SGCD: variants seen among roughly 807,000 people sequenced by gnomAD.
The protein encoded by SGCD is delta-sarcoglycan.
In SGCD, 18 loss-of-function variants were observed where a neutral mutation model predicts 36.6. The ratio of observed to expected loss-of-function variants is 0.49; its 90% CI spans 0.34 to 0.73. The LOEUF is 0.73. SGCD is among the 30% of genes least tolerant of loss of function. SGCD has a pLI of 0.01. For missense variants in SGCD, 387 were observed against 346.7 expected, an observed-to-expected ratio of 1.12 and a Z score of -0.92; for synonymous variants, 133 against 130.6, an observed-to-expected ratio of 1.02 and a Z score of -0.12.
At chr5:156,717,119 A>C (rs548189665) in intron 7 of SGCD, among the ~76,000 whole-genome samples, 6 of 152,354 alleles carry the variant, frequency 3.9e-5, no homozygotes, top group Admixed American at 2.0e-4. Flanking sequence ...ATGGTGAGCA[A>C]ATAATCAGTT....
intron 7 of SGCD, among the ~76,000 whole-genome samples, chr5:156,709,495 G>T (rs1311187700): frequency 1.3e-5 from 2 of 152,096 alleles, no homozygotes; most frequent in Non-Finnish European, 2.9e-5. Context: ...AATCTGGGAA[G>T]AAAATCAGGA....
intron 1 of SGCD, among the ~76,000 whole-genome samples, chr5:156,081,006 T>A (rs181378916): frequency 6.6e-6 from 1 of 152,326 alleles, no homozygotes; most frequent in East Asian, 1.9e-4. Flanking sequence ...AAATACCTGA[T>A]CATGGGTCAT....
chr5:156,490,133 C>T (rs1187175324), intron 3 of SGCD, among the ~76,000 whole-genome samples: 1 of 151,870 alleles, frequency 6.6e-6, no homozygotes, highest in Non-Finnish European at 1.5e-5. Flanking sequence ...TTACTGGACA[C>T]ATAAAATGAA....
intron 1 of SGCD, among the ~76,000 whole-genome samples, chr5:155,902,600 G>T (rs373957802): frequency 4.6e-5 from 7 of 152,264 alleles, no homozygotes; most frequent in African/African-American, 1.7e-4. Flanking sequence ...TGGTCCCCTA[G>T]TTATTCTGTG....
At chr5:156,237,110 C>T (rs747202119) in intron 3 of SGCD, among the ~76,000 whole-genome samples, 5 of 151,762 alleles carry the variant, frequency 3.3e-5, no homozygotes, top group Non-Finnish European at 7.4e-5. Flanking sequence ...GCTGAGATTA[C>T]AGACATGAGC....
intron 3 of SGCD, among the ~76,000 whole-genome samples, chr5:156,292,050 T>C (rs546517975): frequency 3.0e-4 from 46 of 152,226 alleles, no homozygotes; most frequent in Non-Finnish European, 6.0e-4. Flanking sequence ...CTTCTATGAC[T>C]TTGACTTTTT....
Position 156,383,526 on chromosome 5 carries a change from G to GA in SGCD, c.192+38858dup, listed in dbSNP as rs199527311. 8.9e-3 allele frequency among the ~76,000 whole-genome samples: 1,335 copies of GA among 150,376 alleles called. 24 individuals carry two copies. The highest frequency in any genetic ancestry group is 0.031 in the African/African-American group (1,251 of 41,002). ...CTCTTAAAAAAGAAAAAGAAAGAAA[G>GA]AAAAAAAAATAGGACATTTACTAGG... On this transcript the variant is annotated intron_variant, in intron 3 of 8. Coordinates refer to ENST00000337851, the MANE Select transcript of SGCD (RefSeq NM_000337.6).
chr5:156,282,660 G>GT (rs975897039), intron 3 of SGCD, among the ~76,000 whole-genome samples: 24 of 151,878 alleles, frequency 1.6e-4, no homozygotes, highest in Non-Finnish European at 2.5e-4. Flanking sequence ...TGGTGTGAGT[G>GT]TTTTTTTTCC....
At chr5:155,996,775 T>A (rs1184297960) in intron 1 of SGCD, among the ~76,000 whole-genome samples, 1 of 145,472 alleles carries the variant, frequency 6.9e-6, no homozygotes, top group East Asian at 2.0e-4. Flanking sequence ...TAAGACTCTG[T>A]TTCAAAAAAA....
the SGCD span, among the ~76,000 whole-genome samples, chr5:155,817,091 A>G: frequency 6.6e-6 from 1 of 152,154 alleles, no homozygotes; most frequent in Non-Finnish European, 1.5e-5. Context: ...CTACCTTTCT[A>G]TATAGTTACA....
intron 2 of SGCD, among the ~76,000 whole-genome samples, chr5:156,343,743 T>G (rs7725923): frequency 0.17 from 26,418 of 152,072 alleles, 3,283 homozygotes; most frequent in African/African-American, 0.35. Context: ...TGCTTAGCAT[T>G]TAACTAGTTC....
At chr5:156,117,032 A>G (rs1286621959) in intron 1 of SGCD, among the ~76,000 whole-genome samples, 1 of 152,018 alleles carries the variant, frequency 6.6e-6, no homozygotes, top group African/African-American at 2.4e-5. Context: ...CATAGAGTTA[A>G]CAAGGAAATT....
intron 6 of SGCD, among the ~76,000 whole-genome samples, chr5:156,635,828 T>G (rs1036446926): frequency 7.6e-6 from 1 of 132,144 alleles, no homozygotes; most frequent in African/African-American, 3.0e-5. Context: ...AGATGGGAAT[T>G]GAACAATGAG....
chr5:156,335,136 G>C (rs1042521880), intron 2 of SGCD, among the ~76,000 whole-genome samples: 17 of 152,178 alleles, frequency 1.1e-4, no homozygotes, highest in African/African-American at 3.4e-4. Flanking sequence ...GCTAATTCCT[G>C]GTAGAAATAT....
At chr5:155,933,716 A>G (rs980507735) in intron 1 of SGCD, among the ~76,000 whole-genome samples, 1 of 152,250 alleles carries the variant, frequency 6.6e-6, no homozygotes, top group African/African-American at 2.4e-5. Context: ...GATATAAAAT[A>G]TGTACCTACC....
chr5:156,214,851 ACAGTATCTT>A (rs1260237901), intron 3 of SGCD, among the ~76,000 whole-genome samples: 2 of 152,114 alleles, frequency 1.3e-5, no homozygotes, highest in African/African-American at 4.8e-5. Context: ...TGGGGAAAAG[ACAGTATCTT>A]CAATAAATTC....
At chr5:156,621,505 T>C (rs1032701654) in intron 6 of SGCD, among the ~76,000 whole-genome samples, 3 of 143,808 alleles carry the variant, frequency 2.1e-5, no homozygotes, top group African/African-American at 8.2e-5. Flanking sequence ...GACAGATGTT[T>C]TAAGCATTTA....
At chr5:155,769,106 A>C in the SGCD span, among the ~76,000 whole-genome samples, 1 of 152,160 alleles carries the variant, frequency 6.6e-6, no homozygotes, top group Non-Finnish European at 1.5e-5. Context: ...ATTTGTATAT[A>C]TTGAGTAGGA....
At chr5:156,141,890 A>G (rs1173173556) in intron 3 of SGCD, among the ~76,000 whole-genome samples, 1 of 152,210 alleles carries the variant, frequency 6.6e-6, no homozygotes, top group African/African-American at 2.4e-5. Flanking sequence ...TTTATCAACA[A>G]TACTAGAGGC....
Sources: gnomAD v4.1 joint callset for allele counts (sites outside exome capture counted in the v4.1 genomes callset) on GRCh38, gnomAD v4.1.1 for gene constraint, MANE v1.5 for transcripts, NCBI Gene and HGNC (gene_info 2026-07-23, HGNC 2026-07-21) for gene names.